RNF44: variants seen among roughly 807,000 people sequenced by gnomAD.
The protein encoded by RNF44 is ring finger protein 44.
In RNF44, 25 loss-of-function variants were observed where a neutral mutation model predicts 53.6. That is an observed-to-expected ratio of 0.47 (90% CI 0.34 to 0.65). The LOEUF is 0.65. Among genes scored for constraint, RNF44 ranks in the 30% least tolerant of loss-of-function variants. The pLI is 0.01. For missense variants in RNF44, 581 were observed against 595.5 expected, an observed-to-expected ratio of 0.98 and a Z score of 0.25; for synonymous variants, 282 against 252.2, an observed-to-expected ratio of 1.12 and a Z score of -1.12.
Position 176,532,482 on chromosome 5 carries a change from A to AGGGGGGGGGGG in RNF44, c.-11_-10insCCCCCCCCCCC. The AGGGGGGGGGGG allele has an allele frequency of 2.7e-6, 2 of 751,824 alleles. No homozygotes were observed. The highest frequency in any genetic ancestry group is 4.1e-6 in the Non-Finnish European group (2 of 489,074). The allele number at this position is 751,824 out of a possible 1,614,324, so 46.6% of individuals were successfully genotyped here. The stretch of plus-strand genomic sequence containing the variant: ...GAGCCCATGGTCGCATCGGGGGGGC[A>AGGGGGGGGGGG]GGGGGGTGGAGGGGCTGGGCCGGGA... On this transcript the variant is annotated 5_prime_UTR_variant, in exon 2 of 11. Transcript: ENST00000274811.
intron 1 of RNF44, among the ~76,000 whole-genome samples, chr5:176,536,484 T>G (rs1431766627): frequency 6.6e-6 from 1 of 151,940 alleles, no homozygotes; most frequent in Non-Finnish European, 1.5e-5. Flanking sequence ...TCCCCAGGCA[T>G]AGTGCTGGGG....
At chr5:176,529,962 G>T (rs932679700) in intron 7 of RNF44, 120 bp downstream of exon 7, 8 of 1,397,354 alleles carry the variant, frequency 5.7e-6, no homozygotes, top group South Asian at 1.5e-5. Context: ...TCAGGTTAAG[G>T]GGGGAACGCC....
At chr5:176,533,709 C>T (rs887101038) in intron 1 of RNF44, among the ~76,000 whole-genome samples, 1 of 152,180 alleles carries the variant, frequency 6.6e-6, no homozygotes, top group Admixed American at 6.5e-5. Context: ...GGTCTCCTGC[C>T]TCCGGTCAGA....
Position 176,537,261 on chromosome 5 carries a change from AACTGTCCGCGGCGGCAGCGG to A in RNF44, c.-386_-367del, listed in dbSNP as rs1298103849. The A allele has an allele frequency of 6.6e-6, 1 of 152,288 alleles. No homozygotes were observed. The highest frequency in any genetic ancestry group is 1.5e-5 in the Non-Finnish European group (1 of 68,114). The allele number at this position is 152,288 out of a possible 1,614,324, so 9.4% of individuals were successfully genotyped here. On this transcript the variant is annotated 5_prime_UTR_variant, in exon 1 of 11. It removes the in-frame stop codon of an upstream open reading frame in the 5' UTR. Coordinates refer to ENST00000274811, the MANE Select transcript of RNF44 (RefSeq NM_014901.5). ...GGCAGCCGGCGGCTGGCCCTTTAAG[AACTGTCCGCGGCGGCAGCGG>A]AATGTAACAAACCCCACATTTGATT...
chr5:176,531,349 G>T lies in RNF44; in HGVS notation c.465+114C>A. On this transcript the variant is annotated intron_variant, in intron 4 of 10. Coordinates refer to ENST00000274811, the MANE Select transcript of RNF44 (RefSeq NM_014901.5). This position sits in a 1 kb window ranked among gnomAD's most constrained non-coding sequence, Gnocchi z 4.2. Reference sequence around the variant, plus strand: ...GGGAGGCCAGGCAGGCGCTCTGACAGCCTGGATGGCTGGATAGCTCAGCCC... The same window carrying T: ...GGGAGGCCAGGCAGGCGCTCTGACATCCTGGATGGCTGGATAGCTCAGCCC... 9.4e-7 allele frequency: 1 copy of T among 1,060,734 alleles called. No homozygotes were observed. The allele number at this position is 1,060,734 out of a possible 1,614,324, so 65.7% of individuals were successfully genotyped here. A position where few individuals can be genotyped will look rare whatever the true frequency, so the allele number is the denominator to read the frequency against.
rs760510643 is a variant in RNF44, at chr5:176,528,818, G to C, written c.*210C>G. 3.4e-6 allele frequency: 2 copies of C among 596,552 alleles called. No homozygotes were observed. The highest frequency in any genetic ancestry group is 3.8e-5 in the African/African-American group (2 of 52,112). The allele number at this position is 596,552 out of a possible 1,614,324, so 37.0% of individuals were successfully genotyped here. A position where few individuals can be genotyped will look rare whatever the true frequency, so the allele number is the denominator to read the frequency against. On this transcript the variant is annotated 3_prime_UTR_variant, in exon 11 of 11. Transcript: ENST00000274811. ...CAGCTCCGTGGCGGGCGGGCAGGCAGGCAGACTAGGGAGGGAGTCTTTGGA... is the reference window on the plus strand; with the variant it reads ...CAGCTCCGTGGCGGGCGGGCAGGCACGCAGACTAGGGAGGGAGTCTTTGGA...
chr5:176,529,560 G>C lies in RNF44; in HGVS notation c.1099C>G (p.Arg367Gly). 1 of 1,614,054 alleles carries C rather than the reference G, an allele frequency of 6.2e-7. No individual in the cohort carries two copies. The highest frequency in any genetic ancestry group is 1.1e-5 in the South Asian group (1 of 91,084). Reference protein sequence around the residue: ...KADIEQLPSYRFNPDSHQSEQ... With the variant: ...KADIEQLPSYGFNPDSHQSEQ... ...GACTGATGGCTGTCCGGGTTAAAGC[G>C]GTACGACGGGAGCTGCTCTATGTCT... Residue 367 changes from arginine to glycine, a missense_variant, in exon 9 of 11, where the codon CGC becomes GGC. Arg to Gly is a moderately radical substitution (Grantham distance 125, BLOSUM62 -2). This residue lies in a region of RNF44 where 183 missense variants were observed against 198.6 expected (regional missense o/e 0.92). Coordinates refer to ENST00000274811, the MANE Select transcript of RNF44 (RefSeq NM_014901.5).
At chr5:176,530,372 A>G (rs1481590354) in intron 6 of RNF44, among the ~76,000 whole-genome samples, 166 bp from the exon 7 acceptor site, 644 of 57,184 alleles carry the variant, frequency 0.011, 64 homozygotes, top group Middle Eastern at 0.033. Context: ...CCCACGTGCA[A>G]GTCAGCCCGG....
chr5:176,541,241 C>T (rs974847400), upstream of RNF44, among the ~76,000 whole-genome samples: 1 of 152,152 alleles, frequency 6.6e-6, no homozygotes, highest in Non-Finnish European at 1.5e-5. Flanking sequence ...CAAGTCCTAT[C>T]CTGATCCTCT....
At position 176,537,216 on chromosome 5, in the gene RNF44, G is replaced by C. The variant is rs11743311; in HGVS notation, c.-321C>G. On this transcript the variant is annotated 5_prime_UTR_variant, in exon 1 of 11. Coordinates refer to ENST00000274811, the MANE Select transcript of RNF44 (RefSeq NM_014901.5). ...CCCTCAGGGAGCGGGAGGCGGCGCA[G>C]GACGCAGCTGGGTCTGCGCGGCAGC... The C allele has an allele frequency of 6.6e-6, 1 of 152,480 alleles. No homozygotes were observed. Among genetic ancestry groups the C allele is most frequent in the East Asian group, 1.9e-4 (1 of 5,172 alleles). 9.4% of individuals were successfully genotyped at this position (152,480 alleles called of 1,614,324 possible).
chr5:176,531,966 C>G lies in RNF44; in HGVS notation c.297+38G>C. On this transcript the variant is annotated intron_variant, in intron 3 of 10. Coordinates refer to ENST00000274811, the MANE Select transcript of RNF44 (RefSeq NM_014901.5). The surrounding 1 kb of genome is among the most constrained non-coding windows in gnomAD (Gnocchi z 4.2). ...GCTGCCTCTGCCTCTCAGACTGGCT[C>G]ACAGGGCCAGGGGCACAGGGGATGG... 1.3e-6 allele frequency: 2 copies of G among 1,562,674 alleles called. 1 individual carries two copies. The highest frequency in any genetic ancestry group is 2.4e-5 in the South Asian group (2 of 83,722).
In RNF44 at chr5:176,531,967, A is replaced by G. The variant is rs1756709380; in HGVS notation, c.297+37T>C. ...CTGCCTCTGCCTCTCAGACTGGCTC[A>G]CAGGGCCAGGGGCACAGGGGATGGG... On this transcript the variant is annotated intron_variant, in intron 3 of 10. Transcript: ENST00000274811. The surrounding 1 kb of genome is among the most constrained non-coding windows in gnomAD (Gnocchi z 4.2). 1.3e-6 allele frequency: 2 copies of G among 1,563,356 alleles called. No homozygotes were observed. The highest frequency in any genetic ancestry group is 4.0e-5 in the Admixed American group (2 of 49,938).
In RNF44 at chr5:176,528,832, G is replaced by A. The variant is rs1417016039; in HGVS notation, c.*196C>T. 3.3e-6 allele frequency: 2 copies of A among 608,156 alleles called. No individual in the cohort carries two copies. Among genetic ancestry groups the A allele is most frequent in the East Asian group, 2.8e-5 (1 of 35,760 alleles). The allele number at this position is 608,156 out of a possible 1,614,324, so 37.7% of individuals were successfully genotyped here. On this transcript the variant is annotated 3_prime_UTR_variant, in exon 11 of 11. Transcript: ENST00000274811. ...GCGGGCAGGCAGGCAGACTAGGGAG[G>A]GAGTCTTTGGAGCTTGGCAAATGCA...
upstream of RNF44, among the ~76,000 whole-genome samples, chr5:176,542,021 T>C (rs1320903277): frequency 6.6e-6 from 1 of 152,040 alleles, no homozygotes; most frequent in Admixed American, 6.5e-5. Context: ...GAGTTCTGGC[T>C]CCCTTAAGTG....
chr5:176,529,116 T>C, intron 10 of RNF44, 26 bp from the exon 11 acceptor site: 1 of 1,612,522 alleles, frequency 6.2e-7, no homozygotes, highest in East Asian at 2.2e-5. Flanking sequence ...CGTCAGGCGT[T>C]GCTCTCACCA....
At chr5:176,539,897 C>T (rs975855949), upstream of RNF44, among the ~76,000 whole-genome samples, 4 of 152,146 alleles carry the variant, frequency 2.6e-5, no homozygotes, top group African/African-American at 4.8e-5. Flanking sequence ...GGTGGTGCTT[C>T]GTCTGGCTTT....
At chr5:176,533,609 C>A (rs1423990717) in intron 1 of RNF44, among the ~76,000 whole-genome samples, 1 of 152,154 alleles carries the variant, frequency 6.6e-6, no homozygotes, top group African/African-American at 2.4e-5. Flanking sequence ...GGCCCCCAAC[C>A]CAGCCCTCAA....
Position 176,528,080 on chromosome 5 carries a change from T to C in RNF44, c.*948A>G, listed in dbSNP as rs1287001581. ...CGCCCAGCCCAGCCCGGCACACGCA[T>C]GCATGCAGGCCGGCCAGCATGACCG... is the stretch of plus-strand genomic sequence containing the variant. On this transcript the variant is annotated 3_prime_UTR_variant, in exon 11 of 11. Transcript: ENST00000274811. 1 of 152,354 alleles carries C rather than the reference T, an allele frequency of 6.6e-6. No homozygotes were observed. The highest frequency in any genetic ancestry group is 1.5e-5 in the Non-Finnish European group (1 of 68,158). The allele number at this position is 152,354 out of a possible 1,614,324, so 9.4% of individuals were successfully genotyped here.
chr5:176,535,859 T>C (rs1025551716), intron 1 of RNF44: 2 of 152,204 alleles, frequency 1.3e-5, no homozygotes, highest in Non-Finnish European at 2.9e-5. Context: ...CGGAGCTCTG[T>C]GTGAACGGGT....
Sources: gnomAD v4.1 joint callset for allele counts (sites outside exome capture counted in the v4.1 genomes callset) on GRCh38, gnomAD v4.1.1 for gene constraint, gnomAD v4.1.1 regional missense constraint, Gnocchi (gnomAD v3.1) non-coding constraint, MANE v1.5 for transcripts, NCBI Gene and HGNC (gene_info 2026-07-23, HGNC 2026-07-21) for gene names.